The following VWF variants were observed in gnomAD, a reference collection of about 807,000 sequenced individuals.
VWF encodes the protein Factor VIII related antigen.
In VWF, 176 loss-of-function variants were observed where a neutral mutation model predicts 308.6. That is an observed-to-expected ratio of 0.57 (90% CI 0.50 to 0.65). The LOEUF (loss-of-function observed/expected upper bound fraction) is 0.65. Among genes scored for constraint, VWF ranks in the 30% least tolerant of loss-of-function variants. VWF has a pLI of 0.00. For missense variants in VWF, 3,146 were observed against 3,648.2 expected (o/e 0.86, Z 3.55); for synonymous variants, 1,385 against 1,443.4 (o/e 0.96, Z 0.92).
chr12:6,058,732 C>A lies in VWF; in HGVS notation c.1534-688G>T, dbSNP rs1944622961. On this transcript the variant is annotated intron_variant, in intron 13 of 51. Transcript: ENST00000261405. The surrounding 1 kb of genome is among the most constrained non-coding windows in gnomAD (Gnocchi z 4.9). ...CTGAGGCAGCCTGCCAGGGTGACAG[C>A]AGCAAAGCAGCGGCACAGTTCAAAC... Among the ~76,000 whole-genome samples the A allele has an allele frequency of 6.6e-6, 1 of 152,172 alleles. No individual in the cohort carries two copies. The highest frequency in any genetic ancestry group is 6.5e-5 in the Admixed American group (1 of 15,278).
rs118157080 is a variant in VWF at position 6,091,588 on chromosome 12, G to A, written c.657+3872C>T. Among the ~76,000 whole-genome samples the A allele has an allele frequency of 2.0e-3, 302 of 152,316 alleles. 2 individuals carry two copies. The East Asian group carries it at 0.026, about 13-fold the overall frequency. ...AGACAGGGTCTCACTCTGTTGCCCA[G>A]GCTGGAGTGCAGTGGTGCAATTGTA... On this transcript the variant is annotated intron_variant, in intron 6 of 51. Transcript: ENST00000261405.
intron 6 of VWF, among the ~76,000 whole-genome samples, chr12:6,088,577 C>G (rs570131801): frequency 6.6e-6 from 1 of 152,164 alleles, no homozygotes; most frequent in Non-Finnish European, 1.5e-5. Flanking sequence ...CCCAGCCCCC[C>G]GGAGCCTTGG....
In VWF at chr12:6,076,173, T is replaced by C. The variant is rs556103310; in HGVS notation, c.658-622A>G. ...ATTCTGTGGAATGTCCCAGACACAC[T>C]GCAGCAAGCACGAGTATTCTTGGTT... is the stretch of plus-strand genomic sequence containing the variant. On this transcript the variant is annotated intron_variant, in intron 6 of 51. Coordinates refer to ENST00000261405, the MANE Select transcript of VWF (RefSeq NM_000552.5). Among the ~76,000 whole-genome samples the C allele has an allele frequency of 4.6e-5, 7 of 152,270 alleles. No individual in the cohort carries two copies. The East Asian group carries it at 5.8e-4, about 13-fold the overall frequency.
intron 48 of VWF, among the ~76,000 whole-genome samples, chr12:5,952,917 A>C (rs941449360): frequency 4.6e-5 from 7 of 152,168 alleles, no homozygotes; most frequent in Non-Finnish European, 2.9e-5. Flanking sequence ...GCCCAAGGGT[A>C]GAGAAAATCT....
At chr12:6,115,024 G>A (rs552496957) in intron 3 of VWF, among the ~76,000 whole-genome samples, 66 of 152,300 alleles carry the variant, frequency 4.3e-4, no homozygotes, top group Middle Eastern at 3.4e-3. Flanking sequence ...GCAGGGGAGT[G>A]GCAAGGGAAT....
At chr12:6,027,078 G>C (rs1209934435) in intron 22 of VWF, among the ~76,000 whole-genome samples, 3 of 152,182 alleles carry the variant, frequency 2.0e-5, no homozygotes, top group African/African-American at 7.2e-5. Context: ...AGGGGTGTAA[G>C]TCACCAGGAA....
Position 5,952,393 on chromosome 12 carries a change from C to T in VWF, c.8113G>A (p.Gly2705Arg), listed in dbSNP as rs7962217. 93,169 of 1,613,754 alleles carry T rather than the reference C, an allele frequency of 0.058. 3,226 individuals carry two copies. Among genetic ancestry groups the T allele is most frequent in the South Asian group, 0.12 (11,352 of 91,062 alleles). Residue 2705 changes from glycine to arginine, a missense_variant and splice_region_variant, in exon 49 of 52, where the codon GGA (glycine) becomes AGA (arginine). By Grantham distance (125) the Gly-to-Arg change is moderately radical. Coordinates refer to ENST00000261405, the MANE Select transcript of VWF (RefSeq NM_000552.5). The stretch of plus-strand genomic sequence containing the variant: ...AGGAAAGCAGAATGAGTACTCACTC[C>T]CTCAGCCAGACACTTGTGTTCATCA... Reference protein sequence around the residue: ...PFDEHKCLAEGGKIMKIPGTC... With the variant: ...PFDEHKCLAERGKIMKIPGTC...
At chr12:6,095,318 T>C (rs1945093624) in intron 6 of VWF, 142 bp downstream of exon 6, 1 of 1,321,298 alleles carries the variant, frequency 7.6e-7, no homozygotes, top group Admixed American at 1.7e-5. Flanking sequence ...AATTAGACTC[T>C]AGCCACAGTT....
At chr12:6,001,177 T>C (rs1943869417) in intron 34 of VWF, among the ~76,000 whole-genome samples, 1 of 152,106 alleles carries the variant, frequency 6.6e-6, no homozygotes, top group Admixed American at 6.5e-5. Context: ...ACTTCAAAGG[T>C]AATGACAGGA....
Position 6,105,216 on chromosome 12 carries a change from G to A in VWF, c.532+5158C>T, listed in dbSNP as rs149620136. On this transcript the variant is annotated intron_variant, in intron 5 of 51. Coordinates refer to ENST00000261405, the MANE Select transcript of VWF (RefSeq NM_000552.5). ...CTGTGCATGTAACAAAATTGCGCTTGTACCCCATAAATTTATACAATTTTT... is the reference window on the plus strand; with the variant it reads ...CTGTGCATGTAACAAAATTGCGCTTATACCCCATAAATTTATACAATTTTT... 3.9e-3 allele frequency among the ~76,000 whole-genome samples: 596 copies of A among 152,142 alleles called. 3 individuals carry two copies. The highest frequency in any genetic ancestry group is 0.013 in the African/African-American group (529 of 41,522).
chr12:6,092,612 AGTGAGAGTGTGTGTGTGTGTGT>A (rs1308432133), intron 6 of VWF, among the ~76,000 whole-genome samples: 1 of 70,432 alleles, frequency 1.4e-5, no homozygotes, highest in East Asian at 3.7e-4. Flanking sequence ...TTAGTGAGTG[AGTGAGAGTGTGTGTGTGTGTGT>A]GTGTGTGTGT....
Position 6,060,096 on chromosome 12 carries a change from G to A in VWF, c.1534-2052C>T, listed in dbSNP as rs1323830264. Among the ~76,000 whole-genome samples the A allele has an allele frequency of 1.3e-5, 2 of 151,530 alleles. No homozygotes were observed. The highest frequency in any genetic ancestry group is 4.9e-5 in the African/African-American group (2 of 41,208). Reference sequence around the variant, plus strand: ...TGTCTCGGAGGTCAGCTCGGCCAGGGTTAGGAGAGTGGGGGCGACACTTAG... The same window carrying A: ...TGTCTCGGAGGTCAGCTCGGCCAGGATTAGGAGAGTGGGGGCGACACTTAG... On this transcript the variant is annotated intron_variant, in intron 13 of 51. Coordinates refer to ENST00000261405, the MANE Select transcript of VWF (RefSeq NM_000552.5). This position sits in a 1 kb window ranked among gnomAD's most constrained non-coding sequence, Gnocchi z 5.1.
chr12:6,035,323 A>G (rs1944323738), intron 19 of VWF, among the ~76,000 whole-genome samples: 1 of 152,236 alleles, frequency 6.6e-6, no homozygotes, highest in South Asian at 2.1e-4. Context: ...TCCTGTGTGC[A>G]TAGCTACACG....
intron 15 of VWF, among the ~76,000 whole-genome samples, chr12:6,056,364 G>A (rs1448039725): frequency 6.7e-6 from 1 of 149,898 alleles, no homozygotes; most frequent in African/African-American, 2.5e-5. Context: ...GGACAGTGAT[G>A]TAATTCACCT....
At chr12:6,010,549 G>A (rs1361193693) in intron 34 of VWF, among the ~76,000 whole-genome samples, 2 of 152,156 alleles carry the variant, frequency 1.3e-5, no homozygotes, top group East Asian at 1.9e-4. Context: ...ATGAAAATTC[G>A]TTCGTATGTT....
rs772506779 is a variant in VWF, at chr12:6,029,469, A to C, written c.2840T>G (p.Met947Arg). 1.2e-6 allele frequency: 2 copies of C among 1,614,158 alleles called. No homozygotes were observed. The highest frequency in any genetic ancestry group is 4.5e-5 in the East Asian group (2 of 44,878). The change falls in exon 22 of 52, where the codon ATG becomes AGG. Residue 947 changes from methionine (M) to arginine (R), a missense_variant. Physicochemically the swap from Met to Arg is moderately conservative, Grantham distance 91 (BLOSUM62 -1). Transcript: ENST00000261405. ...CACCTCAAAGTGAGTCTCATCCTTC[A>C]TGGGCCTCTTCACATTCACCTGGAG... ...FDGEVNVKRP[M>R]KDETHFEVVE...
chr12:6,069,597 G>C (rs1486692191), intron 10 of VWF, among the ~76,000 whole-genome samples: 1 of 152,186 alleles, frequency 6.6e-6, no homozygotes, highest in African/African-American at 2.4e-5. Context: ...AAATATGCTT[G>C]TGTGCGTGGG....
At chr12:5,992,060 G>C (rs1255864857) in intron 37 of VWF, 42 bp from the exon 38 acceptor site, 1 of 1,584,360 alleles carries the variant, frequency 6.3e-7, no homozygotes. Flanking sequence ...GCCCACACCA[G>C]CCAGAGTGAA....
intron 38 of VWF, among the ~76,000 whole-genome samples, chr12:5,986,090 AAAG>A (rs1943677381): frequency 6.6e-6 from 1 of 152,008 alleles, no homozygotes; most frequent in Non-Finnish European, 1.5e-5. Context: ...AAAACTCTTG[AAAG>A]CATCACATTC....
Sources: allele counts gnomAD v4.1 joint callset (sites outside exome capture counted in the v4.1 genomes callset), GRCh38; gene constraint gnomAD v4.1.1; non-coding constraint Gnocchi (gnomAD v3.1); transcripts MANE v1.5; gene names NCBI Gene and HGNC (gene_info 2026-07-23, HGNC 2026-07-21).